MSH3: variants seen among roughly 807,000 people sequenced by gnomAD.
MSH3 encodes the protein mutS homolog 3.
MSH3 carries 106 observed loss-of-function variants against 123.3 expected under a neutral mutation model. The observed-to-expected ratio is 0.86, with a 90% CI of 0.73 to 1.01. The LOEUF (loss-of-function observed/expected upper bound fraction) is 1.01, where lower values mean the gene tolerates loss of function less well. Ranked by LOEUF, MSH3 falls within the 50% of genes least tolerant of loss-of-function variation. The pLI is 0.00. For missense variants in MSH3, 1,459 were observed against 1,347.6 expected (o/e 1.08, Z -1.29); for synonymous variants, 515 against 481.4 (o/e 1.07, Z -0.91).
Position 80,761,672 on chromosome 5 carries a change from C to CA in MSH3, c.1896dup (p.Cys633MetfsTer28). On this transcript the variant is annotated frameshift_variant, in exon 13 of 24. Coordinates refer to ENST00000265081, the MANE Select transcript of MSH3 (RefSeq NM_002439.5). LOFTEE classifies it high-confidence loss of function. ...AGAGGGGACTCTGTAGCATTTATCA[C>CA]AAAAAAGTAAGTGTGATAGAAATCT... 6.2e-7 allele frequency: 1 copy of CA among 1,613,864 alleles called. No homozygotes were observed. The highest frequency in any genetic ancestry group is 1.7e-5 in the Admixed American group (1 of 59,992).
intron 21 of MSH3, among the ~76,000 whole-genome samples, chr5:80,860,444 T>TTG (rs1745996483): frequency 8.2e-5 from 2 of 24,390 alleles, no homozygotes; most frequent in African/African-American, 2.6e-4. Flanking sequence ...AGGTTTGTTG[T>TTG]TTTTTTTTTT....
intron 20 of MSH3, among the ~76,000 whole-genome samples, chr5:80,847,312 A>G (rs1235177287): frequency 6.6e-6 from 1 of 150,930 alleles, no homozygotes; most frequent in Non-Finnish European, 1.5e-5. Flanking sequence ...TGCCTGCCTC[A>G]GCCTCCCAGA....
chr5:80,672,810 T>A lies in MSH3; in HGVS notation c.979T>A (p.Ser327Thr), dbSNP rs776158265. The A allele has an allele frequency of 6.2e-7, 1 of 1,614,164 alleles. No homozygotes were observed. The highest frequency in any genetic ancestry group is 8.5e-7 in the Non-Finnish European group (1 of 1,179,998). ...AIGDNRSSLFSRKLTALYTKS... is the reference protein window; with the variant it reads ...AIGDNRSSLFTRKLTALYTKS... ...TGGAGACAACAGAAGTTCACTCTTT[T>A]CCCGGAAATTGACTGCCCTTTATAC... The change falls in exon 6 of 24, where the codon TCC becomes ACC. Residue 327 changes from serine (S) to threonine (T), a missense_variant. Transcript: ENST00000265081.
chr5:80,828,440 G>T (rs922501274), intron 20 of MSH3, among the ~76,000 whole-genome samples: 11 of 152,154 alleles, frequency 7.2e-5, no homozygotes, highest in Admixed American at 6.5e-4. Flanking sequence ...ATTTCAATGT[G>T]AGTTTTAGAG....
At chr5:80,863,597 G>A (rs933556740) in intron 21 of MSH3, among the ~76,000 whole-genome samples, 3 of 151,842 alleles carry the variant, frequency 2.0e-5, no homozygotes, top group African/African-American at 7.3e-5. Context: ...CGTAAACCCG[G>A]GAGGCGGAGC....
chr5:80,840,455 C>G (rs1745600714), intron 20 of MSH3, among the ~76,000 whole-genome samples: 1 of 151,726 alleles, frequency 6.6e-6, no homozygotes, highest in Admixed American at 6.6e-5. Context: ...GCTCTGTTGC[C>G]CAGGCTGGAG....
In MSH3 at chr5:80,810,228, T is replaced by C. The variant is rs187398147; in HGVS notation, c.2656-3356T>C. On this transcript the variant is annotated intron_variant, in intron 19 of 23. Coordinates refer to ENST00000265081, the MANE Select transcript of MSH3 (RefSeq NM_002439.5). ...AGCATATAATCATGTTTTGTGTATTTTAAAAAAGGTACATTAATGTCTCAC... is the reference window on the plus strand; with the variant it reads ...AGCATATAATCATGTTTTGTGTATTCTAAAAAAGGTACATTAATGTCTCAC... Among the ~76,000 whole-genome samples, 817 of 145,882 alleles carry C rather than the reference T, an allele frequency of 5.6e-3. 5 individuals are homozygous for C. Among genetic ancestry groups the C allele is most frequent in the Non-Finnish European group, 7.7e-3 (514 of 66,392 alleles).
Position 80,874,650 on chromosome 5 carries a change from C to T in MSH3, c.3303-1101C>T, listed in dbSNP as rs1053895115. Among the ~76,000 whole-genome samples, 11 of 152,048 alleles carry T rather than the reference C, an allele frequency of 7.2e-5. 1 individual carries two copies. The highest frequency in any genetic ancestry group is 1.9e-4 in the African/African-American group (8 of 41,444). ...AACTTTACTACAAAGGATATATATA[C>T]AAGATAGTAATAAAATATGTCAATT... is the stretch of plus-strand genomic sequence containing the variant. On this transcript the variant is annotated intron_variant, in intron 23 of 23. Coordinates refer to ENST00000265081, the MANE Select transcript of MSH3 (RefSeq NM_002439.5).
intron 19 of MSH3, among the ~76,000 whole-genome samples, chr5:80,802,272 A>C (rs939404624): frequency 6.6e-6 from 1 of 151,994 alleles, no homozygotes; most frequent in Non-Finnish European, 1.5e-5. Flanking sequence ...TATATTCTTA[A>C]AAAGTCTTAA....
intron 1 of MSH3, among the ~76,000 whole-genome samples, chr5:80,656,155 G>C (rs1316955446): frequency 6.6e-6 from 1 of 152,160 alleles, no homozygotes; most frequent in South Asian, 2.1e-4. Context: ...AATCAAGACC[G>C]GTAGCAGCCT....
intron 19 of MSH3, among the ~76,000 whole-genome samples, chr5:80,800,219 G>T (rs186757475): frequency 6.6e-5 from 10 of 152,266 alleles, no homozygotes; most frequent in Admixed American, 6.5e-4. Context: ...TCCCTTCAGC[G>T]CAATACTTCC....
At chr5:80,764,374 T>G (rs1166252876) in intron 13 of MSH3, among the ~76,000 whole-genome samples, 1 of 148,862 alleles carries the variant, frequency 6.7e-6, no homozygotes, top group Non-Finnish European at 1.5e-5. Flanking sequence ...TAGACATTTC[T>G]TCTTCTTCTT....
In MSH3 at chr5:80,875,649, G is replaced by T. The variant is rs1374676754; in HGVS notation, c.3303-102G>T. ...ACACAGCTTCCTAACTATAGAGCCTGCCCGGTATTCAAGTGTTATAGACTT... is the reference window on the plus strand; with the variant it reads ...ACACAGCTTCCTAACTATAGAGCCTTCCCGGTATTCAAGTGTTATAGACTT... On this transcript the variant is annotated intron_variant, in intron 23 of 23. Coordinates refer to ENST00000265081, the MANE Select transcript of MSH3 (RefSeq NM_002439.5). 4.2e-6 allele frequency: 3 copies of T among 711,270 alleles called. No homozygotes were observed. In the African/African-American group the frequency reaches 5.3e-5, roughly 13 times the overall value. 44.1% of individuals were successfully genotyped at this position (711,270 alleles called of 1,614,324 possible). A position where few individuals can be genotyped will look rare whatever the true frequency, so the allele number is the denominator to read the frequency against.
chr5:80,734,896 C>A (rs537900177), intron 10 of MSH3, among the ~76,000 whole-genome samples: 1 of 152,162 alleles, frequency 6.6e-6, no homozygotes, highest in Non-Finnish European at 1.5e-5. Context: ...CGGTTCTGCA[C>A]CAAGTGTTGT....
intron 20 of MSH3, among the ~76,000 whole-genome samples, chr5:80,815,302 T>G (rs1409000504): frequency 6.6e-6 from 1 of 151,960 alleles, no homozygotes; most frequent in Non-Finnish European, 1.5e-5. Context: ...TTTTCTATTT[T>G]ATAAGAAAAA....
chr5:80,746,709 C>A (rs927975596), intron 12 of MSH3: 24 of 370,858 alleles, frequency 6.5e-5, no homozygotes, highest in Admixed American at 2.1e-4. Flanking sequence ...GTCGTTATCT[C>A]CATCATCCAT....
At chr5:80,757,898 G>A (rs779394311) in intron 12 of MSH3, among the ~76,000 whole-genome samples, 1 of 152,172 alleles carries the variant, frequency 6.6e-6, no homozygotes, top group Non-Finnish European at 1.5e-5. Context: ...ATTTAAAAAT[G>A]TAGTCATTCT....
chr5:80,772,075 G>T (rs1212815070), intron 15 of MSH3, among the ~76,000 whole-genome samples: 1 of 151,990 alleles, frequency 6.6e-6, no homozygotes, highest in Non-Finnish European at 1.5e-5. Context: ...CATATTTTAT[G>T]AATATATACC....
chr5:80,742,141 C>A (rs1284903180), intron 11 of MSH3, among the ~76,000 whole-genome samples: 1 of 152,134 alleles, frequency 6.6e-6, no homozygotes, highest in East Asian at 1.9e-4. Context: ...TCCTAAGTAG[C>A]TGGGATTACA....
Sources: allele counts gnomAD v4.1 joint callset (sites outside exome capture counted in the v4.1 genomes callset), GRCh38; gene constraint gnomAD v4.1.1; transcripts MANE v1.5; gene names NCBI Gene and HGNC (gene_info 2026-07-23, HGNC 2026-07-21).